Variants in BANP observed in about 807,000 individuals in gnomAD.
The protein encoded by BANP is BTG3 associated nuclear protein.
BANP carries 11 observed loss-of-function variants against 68.1 expected under a neutral mutation model. That is an observed-to-expected ratio of 0.16 (90% CI 0.10 to 0.27). The LOEUF (loss-of-function observed/expected upper bound fraction) is 0.27, where lower values mean the gene tolerates loss of function less well. Among genes scored for constraint, BANP ranks in the 10% least tolerant of loss-of-function variants. The pLI is 1.00. For missense variants in BANP, 504 were observed against 722.7 expected, an observed-to-expected ratio of 0.70 and a Z score of 3.47; for synonymous variants, 329 against 303.2, an observed-to-expected ratio of 1.09 and a Z score of -0.88.
chr16:87,955,110 G>A (rs918731704), intron 1 of BANP, among the ~76,000 whole-genome samples: 1 of 152,198 alleles, frequency 6.6e-6, no homozygotes, highest in Non-Finnish European at 1.5e-5. Flanking sequence ...CAAGCGGGCC[G>A]TCTGCCCTGC....
intron 2 of BANP, among the ~76,000 whole-genome samples, chr16:87,975,636 T>C (rs112763635): frequency 7.4e-6 from 1 of 135,640 alleles, no homozygotes; most frequent in East Asian, 2.3e-4. Context: ...GCGTCCAGGA[T>C]CCTTACCATG....
intron 11 of BANP, among the ~76,000 whole-genome samples, chr16:88,043,893 CTTAAAAA>C (rs11279921): frequency 0.23 from 35,408 of 151,906 alleles, 5,434 homozygotes; most frequent in African/African-American, 0.44. Flanking sequence ...AAAAAAAGCC[CTTAAAAA>C]TTAAGAGTTG....
At chr16:88,031,813 C>T (rs1187352269) in intron 8 of BANP, among the ~76,000 whole-genome samples, 1 of 150,572 alleles carries the variant, frequency 6.6e-6, no homozygotes, top group Non-Finnish European at 1.5e-5. Flanking sequence ...CTCTCTTGCC[C>T]CTCCCCGTCC....
chr16:88,034,162 A>G (rs141951641), intron 9 of BANP, among the ~76,000 whole-genome samples: 1,944 of 152,290 alleles, frequency 0.013, 39 homozygotes, highest in African/African-American at 0.041. Context: ...GGGCTTTTAG[A>G]GGGGGCGTTA....
intron 1 of BANP, among the ~76,000 whole-genome samples, chr16:87,966,028 C>T (rs60361101): frequency 0.02 from 3,048 of 152,278 alleles, 93 homozygotes; most frequent in African/African-American, 0.069. Flanking sequence ...CACGTGGACA[C>T]CATGTTTAGG....
chr16:87,965,475 G>A (rs1012582688), intron 1 of BANP, among the ~76,000 whole-genome samples: 17 of 152,180 alleles, frequency 1.1e-4, no homozygotes, highest in African/African-American at 4.1e-4. Flanking sequence ...AGGGAGGGGT[G>A]CTGACTGGGT....
intron 1 of BANP, among the ~76,000 whole-genome samples, chr16:87,973,788 A>T (rs1349134335): frequency 6.6e-6 from 1 of 151,794 alleles, no homozygotes; most frequent in African/African-American, 2.4e-5. Context: ...AAAAGAAAAA[A>T]ATTCTAGAGT....
At chr16:88,031,114 T>A (rs1326374880) in intron 8 of BANP, among the ~76,000 whole-genome samples, 2 of 152,204 alleles carry the variant, frequency 1.3e-5, no homozygotes, top group Non-Finnish European at 2.9e-5. Flanking sequence ...GAGTGCTCCG[T>A]AACTGCTCAG....
At chr16:88,037,326 A>G (rs2079609162) in intron 10 of BANP, 1 of 152,324 alleles carries the variant, frequency 6.6e-6, no homozygotes. Flanking sequence ...AGTAAGTTAG[A>G]AATTGCTAAT....
intron 4 of BANP, among the ~76,000 whole-genome samples, chr16:87,993,540 C>T (rs1172994656): frequency 6.6e-6 from 1 of 152,154 alleles, no homozygotes; most frequent in East Asian, 1.9e-4. Context: ...CTCCCGTGCC[C>T]CTTGACATTC....
chr16:87,962,130 C>T (rs2059270503), intron 1 of BANP, among the ~76,000 whole-genome samples: 1 of 151,132 alleles, frequency 6.6e-6, no homozygotes, highest in Non-Finnish European at 1.5e-5. Context: ...ATCCCAGCTA[C>T]TCTGGAGGCT....
intron 13 of BANP, among the ~76,000 whole-genome samples, chr16:88,072,859 A>G (rs8053377): frequency 0.22 from 33,884 of 152,072 alleles, 3,996 homozygotes; most frequent in South Asian, 0.28. Context: ...CCTCCGTGCC[A>G]CCTGCTTTGG....
intron 4 of BANP, among the ~76,000 whole-genome samples, chr16:87,997,821 G>C (rs1201749435): frequency 1.3e-5 from 2 of 152,274 alleles, no homozygotes; most frequent in Non-Finnish European, 2.9e-5. Flanking sequence ...GCAGAATCAG[G>C]ACTGTTACTT....
chr16:87,950,173 G>T (rs566281971), upstream of BANP, among the ~76,000 whole-genome samples: 1 of 152,302 alleles, frequency 6.6e-6, no homozygotes, highest in Admixed American at 6.5e-5. Context: ...CGCCGCGCCC[G>T]GCCAGCATTT....
intron 12 of BANP, 75 bp downstream of exon 12, chr16:88,065,407 A>G (rs762337774): frequency 8.8e-6 from 6 of 680,782 alleles, no homozygotes; most frequent in Non-Finnish European, 1.6e-5. Context: ...GACCCCCGCG[A>G]TGACACTGGG....
chr16:88,003,985 A>G lies in BANP; in HGVS notation c.363-310A>G, dbSNP rs1167935218. On this transcript the variant is annotated intron_variant, in intron 4 of 13. Coordinates refer to ENST00000682872, the MANE Select transcript of BANP (RefSeq NM_001386991.1). This position sits in a 1 kb window ranked among gnomAD's most constrained non-coding sequence, Gnocchi z 6.1. ...ATAACAGCTGGTGCGGTTGCAGTCT[A>G]TTCTGTCACAAGTTCAGCATCCTCA... 3 of 351,470 alleles carry G rather than the reference A, an allele frequency of 8.5e-6. No individual in the cohort carries two copies. The highest frequency in any genetic ancestry group is 1.6e-5 in the Non-Finnish European group (3 of 185,858). The allele number at this position is 351,470 out of a possible 1,614,324, so 21.8% of individuals were successfully genotyped here. A position where few individuals can be genotyped will look rare whatever the true frequency, so the allele number is the denominator to read the frequency against.
chr16:88,016,225 G>C (rs112330136), intron 6 of BANP, among the ~76,000 whole-genome samples: 1 of 152,256 alleles, frequency 6.6e-6, no homozygotes, highest in African/African-American at 2.4e-5. Context: ...GGGGCCTCCC[G>C]TCCATGCAGG....
chr16:88,009,122 G>T (rs73247057), intron 6 of BANP, among the ~76,000 whole-genome samples: 1,945 of 152,310 alleles, frequency 0.013, 18 homozygotes, highest in African/African-American at 0.022. Flanking sequence ...ATCTCAGCCC[G>T]TAGTGGCGTC....
intron 12 of BANP, among the ~76,000 whole-genome samples, chr16:88,068,090 A>C (rs1266695993): frequency 2.0e-5 from 3 of 152,102 alleles, no homozygotes; most frequent in Non-Finnish European, 2.9e-5. Flanking sequence ...CCATTTTCAC[A>C]CGTAGTTCAG....
Sources: allele counts gnomAD v4.1 joint callset (sites outside exome capture counted in the v4.1 genomes callset), GRCh38; gene constraint gnomAD v4.1.1; non-coding constraint Gnocchi (gnomAD v3.1); transcripts MANE v1.5; gene names NCBI Gene and HGNC (gene_info 2026-07-23, HGNC 2026-07-21).